The following PRKAG2 variants were observed in gnomAD, a reference collection of about 807,000 sequenced individuals.
The protein encoded by PRKAG2 is 5'-AMP-activated protein kinase subunit gamma-2.
In PRKAG2, 26 loss-of-function variants were observed where a neutral mutation model predicts 69.6. The observed-to-expected ratio is 0.37, with a 90% CI of 0.27 to 0.52. The LOEUF is 0.52. Ranked by LOEUF, PRKAG2 falls within the 20% of genes least tolerant of loss-of-function variation. PRKAG2 has a pLI of 0.90. For synonymous variants in PRKAG2, 293 were observed against 285.0 expected (o/e 1.03, Z -0.28); for missense variants, 557 against 740.0 (o/e 0.75, Z 2.87).
At chr7:151,684,704 G>A (rs1364005686) in intron 3 of PRKAG2, among the ~76,000 whole-genome samples, 1 of 152,108 alleles carries the variant, frequency 6.6e-6, no homozygotes, top group Non-Finnish European at 1.5e-5. Context: ...ACCCCTGGCT[G>A]ACTCCACCCT....
intron 1 of PRKAG2, among the ~76,000 whole-genome samples, chr7:151,843,355 G>A (rs992786276): frequency 6.6e-6 from 1 of 152,150 alleles, no homozygotes; most frequent in African/African-American, 2.4e-5. Context: ...GTTTCTGCAA[G>A]GAACTGGTGG....
intron 4 of PRKAG2, among the ~76,000 whole-genome samples, chr7:151,654,912 C>T (rs537807801): frequency 3.9e-5 from 6 of 152,282 alleles, no homozygotes; most frequent in East Asian, 1.9e-4. Context: ...AGGCTGGTCT[C>T]GAAATCCTGG....
intron 6 of PRKAG2, among the ~76,000 whole-genome samples, chr7:151,587,656 T>G (rs1321782581): frequency 6.6e-6 from 1 of 152,044 alleles, no homozygotes; most frequent in Non-Finnish European, 1.5e-5. Context: ...ATCATGCAAA[T>G]CTCAGTAGAG....
chr7:151,599,041 G>A (rs1191699822), intron 5 of PRKAG2, among the ~76,000 whole-genome samples: 1 of 151,978 alleles, frequency 6.6e-6, no homozygotes, highest in Admixed American at 6.6e-5. Context: ...TAGTAGAGAC[G>A]GGGTTTCACC....
intron 15 of PRKAG2, 163 bp from the exon 16 acceptor site, chr7:151,557,395 C>T (rs1803976083): frequency 3.0e-6 from 3 of 985,216 alleles, no homozygotes; most frequent in South Asian, 4.7e-5. Flanking sequence ...TCCCATCTCC[C>T]ACCCAATCGT....
chr7:151,675,604 G>A lies in PRKAG2; in HGVS notation c.500C>T (p.Thr167Ile), dbSNP rs766578540. Residue 167 changes from threonine to isoleucine, a missense_variant, in exon 4 of 16, where the codon ACC (threonine) becomes ATC (isoleucine). Thr to Ile is a moderately conservative substitution (Grantham distance 89). Coordinates refer to ENST00000287878, the MANE Select transcript of PRKAG2 (RefSeq NM_016203.4). The stretch of plus-strand genomic sequence containing the variant: ...AAACGTGTGCTGCTTGGTCACTTGG[G>A]TGGGTGTTGACGGAGAGGAGGAGAG... ...SGLSSSPSTP[T>I]QVTKQHTFPL... is the part of the protein sequence containing the mutation. 9 of 1,614,000 alleles carry A rather than the reference G, an allele frequency of 5.6e-6. No individual in the cohort carries two copies. The highest frequency in any genetic ancestry group is 1.1e-5 in the South Asian group (1 of 91,084).
In PRKAG2 at chr7:151,567,416, G is replaced by A. The variant is rs568866004; in HGVS notation, c.1233+1300C>T. Among the ~76,000 whole-genome samples the A allele has an allele frequency of 2.2e-4, 34 of 152,074 alleles. 1 individual carries two copies. Among genetic ancestry groups the A allele is most frequent in the Admixed American group, 1.9e-3 (29 of 15,250 alleles). ...TATGTCAAGTGCTTAGAACAGTGCCGGACATACAGTAATCAGCTCTCATGA... is the reference window on the plus strand; with the variant it reads ...TATGTCAAGTGCTTAGAACAGTGCCAGACATACAGTAATCAGCTCTCATGA... On this transcript the variant is annotated intron_variant, in intron 11 of 15. Transcript: ENST00000287878. This position sits in a 1 kb window ranked among gnomAD's most constrained non-coding sequence, Gnocchi z 4.2.
intron 1 of PRKAG2, among the ~76,000 whole-genome samples, chr7:151,797,932 T>C (rs1045091425): frequency 6.6e-6 from 1 of 152,242 alleles, no homozygotes; most frequent in Non-Finnish European, 1.5e-5. Flanking sequence ...ACAATAAGAA[T>C]GTATCTCATG....
chr7:151,613,195 TAA>T (rs567768891), intron 5 of PRKAG2, among the ~76,000 whole-genome samples: 29 of 152,190 alleles, frequency 1.9e-4, no homozygotes, highest in Non-Finnish European at 3.7e-4. Flanking sequence ...TGAAATAACT[TAA>T]ACTTTGTTTT....
At chr7:151,670,439 C>T (rs535646084) in intron 4 of PRKAG2, among the ~76,000 whole-genome samples, 2 of 152,306 alleles carry the variant, frequency 1.3e-5, no homozygotes, top group African/African-American at 2.4e-5. Flanking sequence ...CACTGCATCT[C>T]GTCTGGGCTC....
Position 151,756,679 on chromosome 7 carries a change from AG to A in PRKAG2, c.466+24472del, listed in dbSNP as rs925285127. 4.6e-5 allele frequency among the ~76,000 whole-genome samples: 7 copies of A among 152,226 alleles called. No homozygotes were observed. Among genetic ancestry groups the A allele is most frequent in the African/African-American group, 1.4e-4 (6 of 41,540 alleles). On this transcript the variant is annotated intron_variant, in intron 3 of 15. Coordinates refer to ENST00000287878, the MANE Select transcript of PRKAG2 (RefSeq NM_016203.4). The surrounding 1 kb of genome is among the most constrained non-coding windows in gnomAD (Gnocchi z 4.9). Reference sequence around the variant, plus strand: ...TGCAGCTCCTGGTTCCAGCCCCGCCAGGGCTCCCAGCGCCGCCCTCTTCCCT... The same window carrying A: ...TGCAGCTCCTGGTTCCAGCCCCGCCAGGCTCCCAGCGCCGCCCTCTTCCCT...
chr7:151,618,761 T>C (rs1271511627), intron 5 of PRKAG2, among the ~76,000 whole-genome samples: 1 of 151,924 alleles, frequency 6.6e-6, no homozygotes, highest in African/African-American at 2.4e-5. Context: ...AGAGATTCCG[T>C]CTCAAAAAAT....
At chr7:151,622,349 T>C (rs6954706) in intron 5 of PRKAG2, among the ~76,000 whole-genome samples, 63,916 of 152,178 alleles carry the variant, frequency 0.42, 13,970 homozygotes, top group Non-Finnish European at 0.48. Flanking sequence ...GATCTTTCTG[T>C]TGTGCGTCCT....
At position 151,781,237 on chromosome 7, in the gene PRKAG2, G is replaced by A. The variant is rs778848729; in HGVS notation, c.381C>T (p.Phe127=). Residue 127 remains phenylalanine, a synonymous_variant, in exon 3 of 16, where the codon TTC becomes TTT. Coordinates refer to ENST00000287878, the MANE Select transcript of PRKAG2 (RefSeq NM_016203.4). This position sits in a 1 kb window ranked among gnomAD's most constrained non-coding sequence, Gnocchi z 6.1. ...SPRRMSFSGI[F]RSSSKESSPN... is the part of the protein sequence containing the mutation. Reference sequence around the variant, plus strand: ...GGGAAGACTCTTTGGAGGAGGAGCGGAAGATCCCACTGAAGCTCATGCGTC... The same window carrying A: ...GGGAAGACTCTTTGGAGGAGGAGCGAAAGATCCCACTGAAGCTCATGCGTC... 3 of 1,614,094 alleles carry A rather than the reference G, an allele frequency of 1.9e-6. No homozygotes were observed. Among genetic ancestry groups the A allele is most frequent in the Non-Finnish European group, 2.5e-6 (3 of 1,180,038 alleles).
At chr7:151,726,210 G>A (rs1797917839) in intron 3 of PRKAG2, among the ~76,000 whole-genome samples, 1 of 152,136 alleles carries the variant, frequency 6.6e-6, no homozygotes, top group African/African-American at 2.4e-5. Flanking sequence ...GAGGGCTTCA[G>A]CAGAAATGCA....
At chr7:151,625,623 G>A (rs929829433) in intron 5 of PRKAG2, among the ~76,000 whole-genome samples, 6 of 152,202 alleles carry the variant, frequency 3.9e-5, no homozygotes, top group African/African-American at 1.2e-4. Flanking sequence ...GACACTGGCC[G>A]GGAGTGAGGG....
At chr7:151,561,691 G>C (rs1016656065) in intron 14 of PRKAG2, among the ~76,000 whole-genome samples, 3 of 152,172 alleles carry the variant, frequency 2.0e-5, no homozygotes, top group Admixed American at 1.3e-4. Flanking sequence ...CCAGCACTTT[G>C]GGAGGCCGAG....
At chr7:151,594,973 T>G (rs1446305741) in intron 6 of PRKAG2, among the ~76,000 whole-genome samples, 1 of 152,112 alleles carries the variant, frequency 6.6e-6, no homozygotes, top group Non-Finnish European at 1.5e-5. Flanking sequence ...TAATTTTGTA[T>G]TTTTAGTACA....
chr7:151,696,625 G>A (rs1406118810), intron 3 of PRKAG2, among the ~76,000 whole-genome samples: 3 of 152,188 alleles, frequency 2.0e-5, no homozygotes, highest in South Asian at 2.1e-4. Flanking sequence ...GAAGCCCCCC[G>A]CAACCTTCCA....
Sources: allele counts gnomAD v4.1 joint callset (sites outside exome capture counted in the v4.1 genomes callset), GRCh38; gene constraint gnomAD v4.1.1; non-coding constraint Gnocchi (gnomAD v3.1); transcripts MANE v1.5; gene names NCBI Gene and HGNC (gene_info 2026-07-23, HGNC 2026-07-21).